The following SAMSN1 variants were observed in gnomAD, a reference collection of about 807,000 sequenced individuals.
The protein encoded by SAMSN1 is SAM domain-containing protein SAMSN-1.
Under a neutral mutation model 42.0 loss-of-function variants are expected in SAMSN1, and 31 were observed. The ratio of observed to expected loss-of-function variants is 0.74; its 90% CI spans 0.55 to 1.00. The LOEUF is 1.00. Ranked by LOEUF, SAMSN1 falls within the 50% of genes least tolerant of loss-of-function variation. The pLI, the probability that SAMSN1 is intolerant of heterozygous loss-of-function variation, is 0.00. For missense variants in SAMSN1, 464 were observed against 439.4 expected (o/e 1.06, Z -0.50); for synonymous variants, 178 against 151.9 (o/e 1.17, Z -1.26).
intron 1 of SAMSN1, among the ~76,000 whole-genome samples, chr21:14,523,796 G>A (rs1162412563): frequency 6.6e-6 from 1 of 152,124 alleles, no homozygotes. Flanking sequence ...TCAGCATTTT[G>A]CTACACTATC....
chr21:14,580,186 C>T (rs74441562), intron 2 of SAMSN1, among the ~76,000 whole-genome samples: 3,449 of 152,292 alleles, frequency 0.023, 56 homozygotes, highest in South Asian at 0.099. Flanking sequence ...GGCCATCACA[C>T]TGTCACAAAG....
chr21:14,653,308 C>A (rs1205212970), intron 1 of SAMSN1, among the ~76,000 whole-genome samples: 1 of 151,784 alleles, frequency 6.6e-6, no homozygotes, highest in Admixed American at 6.6e-5. Context: ...GAGTATGGTT[C>A]AATCATCAAA....
chr21:14,640,919 T>G (rs1312120563), intron 2 of SAMSN1, among the ~76,000 whole-genome samples: 1 of 152,140 alleles, frequency 6.6e-6, no homozygotes, highest in Non-Finnish European at 1.5e-5. Context: ...TTTATCATTC[T>G]CGTCTTCTTT....
chr21:14,607,169 C>G (rs2092596232), intron 5 of SAMSN1, among the ~76,000 whole-genome samples: 1 of 152,082 alleles, frequency 6.6e-6, no homozygotes, highest in Non-Finnish European at 1.5e-5. Context: ...TGGATGACAG[C>G]AATGATGTAC....
chr21:14,560,659 G>T (rs1980914608), intron 2 of SAMSN1, among the ~76,000 whole-genome samples: 4 of 152,154 alleles, frequency 2.6e-5, no homozygotes, highest in Admixed American at 2.0e-4. Context: ...CTGGAAGAAA[G>T]GTATATCTCT....
chr21:14,629,736 T>G (rs969603513), intron 2 of SAMSN1, among the ~76,000 whole-genome samples: 1 of 152,186 alleles, frequency 6.6e-6, no homozygotes, highest in Non-Finnish European at 1.5e-5. Flanking sequence ...GCCATTTGTC[T>G]ACTAGTGTGC....
At chr21:14,518,516 TG>T in intron 2 of SAMSN1, among the ~76,000 whole-genome samples, 2 of 152,318 alleles carry the variant, frequency 1.3e-5, no homozygotes, top group Non-Finnish European at 2.9e-5. Context: ...AAAGGAAACT[TG>T]AAGGACATCT....
intron 2 of SAMSN1, among the ~76,000 whole-genome samples, chr21:14,568,315 C>T (rs968932053): frequency 1.3e-5 from 2 of 152,144 alleles, no homozygotes; most frequent in African/African-American, 2.4e-5. Context: ...CTATATCAAC[C>T]TTTCACATCT....
In SAMSN1 at chr21:14,562,918, G is replaced by A. The variant is rs1436523987; in HGVS notation, c.261+19218C>T. ...AAAGCAAATGACTTCTTTCTAATTTGGGTAGGTTGTATTCCAAGCTCTGAT... is the reference window on the plus strand; with the variant it reads ...AAAGCAAATGACTTCTTTCTAATTTAGGTAGGTTGTATTCCAAGCTCTGAT... On this transcript the variant is annotated intron_variant, in intron 2 of 8. Coordinates refer to the SAMSN1 transcript ENST00000285670. Among the ~76,000 whole-genome samples the A allele has an allele frequency of 2.6e-5, 4 of 152,092 alleles. 1 individual carries two copies. The highest frequency in any genetic ancestry group is 2.6e-4 in the Admixed American group (4 of 15,262).
chr21:14,658,626 T>G (rs543990868), intron 1 of SAMSN1: 18 of 624,582 alleles, frequency 2.9e-5, no homozygotes, highest in Admixed American at 7.9e-5. Flanking sequence ...GATGTGAACT[T>G]TCTGAGATGC....
At chr21:14,531,765 A>G (rs1217113637) in intron 1 of SAMSN1, among the ~76,000 whole-genome samples, 2 of 152,222 alleles carry the variant, frequency 1.3e-5, no homozygotes, top group Non-Finnish European at 1.5e-5. Context: ...ATAAAGATGT[A>G]AAAATTAAGT....
rs74825961 is a variant in SAMSN1, at chr21:14,526,452, A to G, written c.58-5231T>C. On this transcript the variant is annotated intron_variant, in intron 1 of 7. Coordinates refer to ENST00000400566, the MANE Select transcript of SAMSN1 (RefSeq NM_022136.5). ...CTGGGGTGTTTGAACACATTTGTGT[A>G]TGTGTGTTTCTATGCAATCTAATGA... Among the ~76,000 whole-genome samples, 133 of 152,314 alleles carry G rather than the reference A, an allele frequency of 8.7e-4. 1 individual carries two copies. The highest frequency in any genetic ancestry group is 3.2e-3 in the African/African-American group (131 of 41,572).
At chr21:14,548,801 A>C (rs1265062006), upstream of SAMSN1, among the ~76,000 whole-genome samples, 1 of 152,122 alleles carries the variant, frequency 6.6e-6, no homozygotes, top group African/African-American at 2.4e-5. Context: ...CGAGATATTT[A>C]GTGAGTGACA....
chr21:14,534,417 G>A (rs1364104083), intron 1 of SAMSN1, among the ~76,000 whole-genome samples: 1 of 152,076 alleles, frequency 6.6e-6, no homozygotes, highest in African/African-American at 2.4e-5. Flanking sequence ...ATCTAGTTGG[G>A]AGCACATACT....
chr21:14,572,185 G>A (rs1981322742), intron 2 of SAMSN1, among the ~76,000 whole-genome samples: 1 of 152,154 alleles, frequency 6.6e-6, no homozygotes. Flanking sequence ...AATTTCCCTT[G>A]AAAATAATAG....
At position 14,537,375 on chromosome 21, in the gene SAMSN1, AT is replaced by A. The variant is rs145713036; in HGVS notation, c.57+8829del. On this transcript the variant is annotated intron_variant, in intron 1 of 7. Coordinates refer to ENST00000400566, the MANE Select transcript of SAMSN1 (RefSeq NM_022136.5). ...TATTTCAAATCCTTCTTTTCTGTTA[AT>A]TTTTTTTTCTTCTTGGCACCTATCA... Among the ~76,000 whole-genome samples the A allele has an allele frequency of 7.0e-4, 106 of 151,250 alleles. 1 individual carries two copies. Among genetic ancestry groups the A allele is most frequent in the African/African-American group, 2.2e-3 (90 of 41,224 alleles).
intron 2 of SAMSN1, among the ~76,000 whole-genome samples, chr21:14,641,212 G>A (rs1487120409): frequency 1.3e-5 from 2 of 152,030 alleles, no homozygotes; most frequent in Admixed American, 6.6e-5. Context: ...ACATCTTAGA[G>A]ACATTAAAAA....
At chr21:14,609,458 A>C (rs1982649236) in intron 5 of SAMSN1, 2 of 717,580 alleles carry the variant, frequency 2.8e-6, no homozygotes, top group South Asian at 3.0e-5. Context: ...ATGCAAAGTC[A>C]GCTGAACTAA....
intron 5 of SAMSN1, among the ~76,000 whole-genome samples, chr21:14,606,886 T>C (rs79105855): frequency 0.026 from 3,993 of 152,326 alleles, 105 homozygotes; most frequent in South Asian, 0.08. Context: ...GATTAATACA[T>C]CAGACAGAAA....
Sources: allele counts gnomAD v4.1 joint callset (sites outside exome capture counted in the v4.1 genomes callset), GRCh38; gene constraint gnomAD v4.1.1; transcripts MANE v1.5; gene names NCBI Gene and HGNC (gene_info 2026-07-23, HGNC 2026-07-21).